IK: variants seen among roughly 807,000 people sequenced by gnomAD.
IK encodes IK cytokine.
IK carries 47 observed loss-of-function variants against 90.9 expected under a neutral mutation model. The observed-to-expected ratio is 0.52, with a 90% CI of 0.41 to 0.66. IK has a LOEUF of 0.66. Among genes scored for constraint, IK ranks in the 30% least tolerant of loss-of-function variants. The pLI, the probability that IK is intolerant of heterozygous loss-of-function variation, is 0.00. For missense variants in IK, 385 were observed against 709.3 expected (o/e 0.54, Z 5.19); for synonymous variants, 201 against 227.5 (o/e 0.88, Z 1.05).
chr5:140,652,088 G>T lies in IK; in HGVS notation c.177G>T (p.Glu59Asp). 2.5e-6 allele frequency: 4 copies of T among 1,612,842 alleles called. No individual in the cohort carries two copies. The highest frequency in any genetic ancestry group is 3.4e-6 in the Non-Finnish European group (4 of 1,178,918). Residue 59 changes from glutamate (E) to aspartate (D), a missense_variant and splice_region_variant, in exon 4 of 20, where the codon GAG becomes GAT. Glu to Asp is a conservative substitution (Grantham distance 45). This residue lies in a region of IK where 64 missense variants were observed against 144.6 expected (regional missense o/e 0.44). Transcript: ENST00000417647. ...SAPPSKSRHH[E>D]MPREYNEDED... Reference sequence around the variant, plus strand: ...TCAGTGAATTTCTCGTCTCTTCTAGGATGCCAAGGGAGTACAATGAGGATG... The same window carrying T: ...TCAGTGAATTTCTCGTCTCTTCTAGTATGCCAAGGGAGTACAATGAGGATG...
intron 15 of IK, 97 bp downstream of exon 15, chr5:140,660,292 CTTTTTTTT>C (rs200714869): frequency 1.2e-3 from 346 of 282,618 alleles, no homozygotes; most frequent in Middle Eastern, 5.7e-3. Flanking sequence ...AGGGCTACTT[CTTTTTTTT>C]TTTTTTTTTT....
chr5:140,651,675 T>C (rs1561973153), intron 2 of IK, 39 bp from the exon 3 acceptor site: 3 of 979,758 alleles, frequency 3.1e-6, no homozygotes, highest in East Asian at 4.8e-5. Context: ...TCATTTCTTA[T>C]TGAGTCCTAA....
intron 2 of IK, among the ~76,000 whole-genome samples, chr5:140,649,738 G>T (rs1419260102): frequency 6.6e-6 from 1 of 150,812 alleles, no homozygotes; most frequent in Non-Finnish European, 1.5e-5. Flanking sequence ...TCGCTATGTT[G>T]GCCAGGCTGG....
intron 4 of IK, among the ~76,000 whole-genome samples, chr5:140,652,399 G>A (rs1757628609): frequency 6.6e-6 from 1 of 152,126 alleles, no homozygotes; most frequent in South Asian, 2.1e-4. Flanking sequence ...CAGATAGAAT[G>A]GAGATACAGT....
chr5:140,660,068 C>G, intron 14 of IK, 47 bp from the exon 15 acceptor site: 1 of 1,543,286 alleles, frequency 6.5e-7, no homozygotes, highest in Non-Finnish European at 8.9e-7. Flanking sequence ...TGAAGCTTTA[C>G]AGCAATAGGT....
At position 140,661,352 on chromosome 5, in the gene IK, G is replaced by A. The variant is rs1442422528; in HGVS notation, c.1414-268G>A. The A allele has an allele frequency of 7.1e-6, 3 of 422,462 alleles. No individual in the cohort carries two copies. Among genetic ancestry groups the A allele is most frequent in the Non-Finnish European group, 1.3e-5 (3 of 235,130 alleles). 26.2% of individuals were successfully genotyped at this position (422,462 alleles called of 1,614,324 possible). On this transcript the variant is annotated intron_variant, in intron 16 of 19. Transcript: ENST00000417647. The surrounding 1 kb of genome is among the most constrained non-coding windows in gnomAD (Gnocchi z 4.2). ...CTTGCCAAGTTCTTTCACTGTTTAT[G>A]CCTCAGTTTCCTCATCAGGAAAATG...
At chr5:140,658,825 A>G (rs1391095220) in intron 11 of IK, 49 bp downstream of exon 11, 2 of 1,598,576 alleles carry the variant, frequency 1.3e-6, no homozygotes, top group Admixed American at 1.7e-5. Context: ...GGGTCTGTAC[A>G]TTTCTTGTGT....
At chr5:140,651,594 T>G in intron 2 of IK, 120 bp from the exon 3 acceptor site, 1 of 602,682 alleles carries the variant, frequency 1.7e-6, no homozygotes, top group Non-Finnish European at 3.0e-6. Flanking sequence ...AAAAACAGTG[T>G]CATATCTTTG....
chr5:140,652,041 G>A (rs1757624131), intron 3 of IK, 47 bp from the exon 4 acceptor site: 2 of 1,457,640 alleles, frequency 1.4e-6, no homozygotes, highest in Non-Finnish European at 9.6e-7. Context: ...GGGGTTTCTG[G>A]GGCTGTGGCA....
At position 140,648,486 on chromosome 5, in the gene IK, A is replaced by C. The variant is rs750145463; in HGVS notation, c.32A>C (p.Asn11Thr). 6.8e-6 allele frequency: 11 copies of C among 1,613,944 alleles called. No individual in the cohort carries two copies. The highest frequency in any genetic ancestry group is 9.3e-6 in the Non-Finnish European group (11 of 1,179,852). MPERDSEPFS[N>T]PLAPDGHDVD... ...TTTTTGTCAGGTGAGCCGTTCTCCAACCCTTTGGCCCCCGATGGCCACGAT... is the reference window on the plus strand; with the variant it reads ...TTTTTGTCAGGTGAGCCGTTCTCCACCCCTTTGGCCCCCGATGGCCACGAT... The change falls in exon 2 of 20, where the codon AAC becomes ACC. Residue 11 changes from asparagine (N) to threonine (T), a missense_variant. Physicochemically the swap from Asn to Thr is moderately conservative, Grantham distance 65. Around this residue, in one of 8 missense-constraint regions of IK, gnomAD observed 42 missense variants for 37.9 expected, o/e 1.11. Coordinates refer to ENST00000417647, the MANE Select transcript of IK (RefSeq NM_006083.4).
intron 9 of IK, among the ~76,000 whole-genome samples, chr5:140,656,870 A>G (rs1185289755): frequency 6.6e-6 from 1 of 151,904 alleles, no homozygotes; most frequent in Non-Finnish European, 1.5e-5. Flanking sequence ...CATTCTTTCT[A>G]TTTTTTTGGT....
chr5:140,651,073 A>G (rs112197589), intron 2 of IK, among the ~76,000 whole-genome samples: 6 of 152,330 alleles, frequency 3.9e-5, no homozygotes, highest in African/African-American at 1.4e-4. Flanking sequence ...TCAGCATTAT[A>G]TGAGAGAGTC....
At chr5:140,651,843 G>A (rs779161663) in intron 3 of IK, 37 bp downstream of exon 3, 32 of 1,291,090 alleles carry the variant, frequency 2.5e-5, no homozygotes, top group Non-Finnish European at 3.4e-5. Flanking sequence ...CTCCCAACTT[G>A]TTTCTTGCTC....
chr5:140,660,292 C>CTTTTTTTTTTT (rs200714869), intron 15 of IK, 97 bp downstream of exon 15: 3,183 of 282,368 alleles, frequency 0.011, 192 homozygotes, highest in African/African-American at 0.024. Context: ...AGGGCTACTT[C>CTTTTTTTTTTT]TTTTTTTTTT....
At chr5:140,652,236 A>AT in intron 4 of IK, 89 bp downstream of exon 4, 5 of 1,036,398 alleles carry the variant, frequency 4.8e-6, no homozygotes, top group Admixed American at 1.9e-5. Flanking sequence ...AGAAACTAAG[A>AT]TTTTGTCTTG....
At chr5:140,649,858 A>G (rs1476475074) in intron 2 of IK, among the ~76,000 whole-genome samples, 2 of 152,230 alleles carry the variant, frequency 1.3e-5, no homozygotes, top group Non-Finnish European at 2.9e-5. Context: ...AAATGCATTT[A>G]TACACATACA....
chr5:140,655,794 A>C (rs1757699397), intron 8 of IK, 35 bp from the exon 9 acceptor site: 1 of 1,598,692 alleles, frequency 6.3e-7, no homozygotes, highest in Non-Finnish European at 8.5e-7. Flanking sequence ...GTTCTTGTAG[A>C]TCCTGGCTAC....
rs1162770599 is a variant in IK at position 140,661,081 on chromosome 5, C to T, written c.1413+266C>T. ...TTTGATTCCCATGGTAGGCAGTAAG[C>T]AAGCATCAATGCATAAGTAGAAAGG... On this transcript the variant is annotated intron_variant, in intron 16 of 19. Transcript: ENST00000417647. This position sits in a 1 kb window ranked among gnomAD's most constrained non-coding sequence, Gnocchi z 4.2. 7 of 412,178 alleles carry T rather than the reference C, an allele frequency of 1.7e-5. No individual in the cohort carries two copies. The highest frequency in any genetic ancestry group is 2.6e-5 in the Non-Finnish European group (6 of 233,734). The allele number at this position is 412,178 out of a possible 1,614,324, so 25.5% of individuals were successfully genotyped here. A position where few individuals can be genotyped will look rare whatever the true frequency, so the allele number is the denominator to read the frequency against.
chr5:140,648,117 C>G (rs766971884), intron 1 of IK, 193 bp downstream of exon 1: 1 of 738,020 alleles, frequency 1.4e-6, no homozygotes, highest in Non-Finnish European at 2.4e-6. Context: ...CTCCAAACTC[C>G]GTCCCCAGTC....
Sources: gnomAD v4.1 joint callset for allele counts (sites outside exome capture counted in the v4.1 genomes callset) on GRCh38, gnomAD v4.1.1 for gene constraint, gnomAD v4.1.1 regional missense constraint, Gnocchi (gnomAD v3.1) non-coding constraint, MANE v1.5 for transcripts, NCBI Gene and HGNC (gene_info 2026-07-23, HGNC 2026-07-21) for gene names.